The following ACAD10 variants were observed in gnomAD, a reference collection of about 807,000 sequenced individuals.
The protein encoded by ACAD10 is acyl-CoA dehydrogenase family member 10.
Under a neutral mutation model 116.8 loss-of-function variants are expected in ACAD10, and 112 were observed. The ratio of observed to expected loss-of-function variants is 0.96; its 90% CI spans 0.82 to 1.12. The LOEUF is 1.12. ACAD10 is among the 50% of genes most tolerant of loss of function. ACAD10 has a pLI of 0.00. For synonymous variants in ACAD10, 486 were observed against 510.6 expected (o/e 0.95, Z 0.65); for missense variants, 1,259 against 1,350.2 (o/e 0.93, Z 1.06).
At chr12:111,702,053 C>G (rs965387634) in intron 2 of ACAD10, 109 bp from the exon 3 acceptor site, 1 of 1,205,830 alleles carries the variant, frequency 8.3e-7, no homozygotes, top group African/African-American at 1.5e-5. Flanking sequence ...ACAGCATCCA[C>G]CCTGGCAGTA....
chr12:111,718,237 T>C (rs1888907819), intron 7 of ACAD10, among the ~76,000 whole-genome samples: 2 of 151,940 alleles, frequency 1.3e-5, no homozygotes, highest in African/African-American at 2.4e-5. Flanking sequence ...TTAGTAGAGA[T>C]GGGGTTTCCC....
rs753942324 is a variant in ACAD10, at chr12:111,705,914, C to T, written c.513C>T (p.Asp171=). ...ACCAGAAAAGCTTTTTGCCCCTGGA[C>T]CGGAAACAGTTTGATGTGGTAAGCT... ...LPNQKSFLPL[D]RKQFDVIVES... Residue 171 remains aspartate (D), a synonymous_variant, in exon 4 of 21, where the codon GAC becomes GAT. Coordinates refer to ENST00000313698, the MANE Select transcript of ACAD10 (RefSeq NM_025247.6). 1.2e-6 allele frequency: 2 copies of T among 1,614,058 alleles called. No homozygotes were observed. The highest frequency in any genetic ancestry group is 3.3e-5 in the Admixed American group (2 of 59,984).
In ACAD10 at chr12:111,729,838, G is replaced by A. The variant is rs775499829; in HGVS notation, c.1276G>A (p.Val426Ile). The stretch of plus-strand genomic sequence containing the variant: ...TATTCCACGCCAGGTACGAACCTGG[G>A]TTAAGCAGTATCGAGCTTCCGAAAC... ...DYIPRQVRTW[V>I]KQYRASETST... Residue 426 changes from valine (V) to isoleucine (I), a missense_variant, in exon 10 of 21, where the codon GTT becomes ATT. By Grantham distance (29) the Val-to-Ile change is conservative. Coordinates refer to ENST00000313698, the MANE Select transcript of ACAD10 (RefSeq NM_025247.6). 4 of 1,614,042 alleles carry A rather than the reference G, an allele frequency of 2.5e-6. No homozygotes were observed. In the African/African-American group the frequency reaches 5.3e-5, roughly 22 times the overall value.
At chr12:111,709,311 GGTTTCTC>G (rs1888600310) in intron 4 of ACAD10, among the ~76,000 whole-genome samples, 1 of 152,116 alleles carries the variant, frequency 6.6e-6, no homozygotes, top group African/African-American at 2.4e-5. Flanking sequence ...CAGACACTTT[GGTTTCTC>G]GAGTTTGCCC....
intron 8 of ACAD10, among the ~76,000 whole-genome samples, chr12:111,725,842 T>C (rs847898): frequency 0.28 from 41,863 of 151,942 alleles, 7,631 homozygotes; most frequent in East Asian, 0.9. Context: ...CCGACATTGT[T>C]TTTCATAACC....
Position 111,752,238 on chromosome 12 carries a change from C to A in ACAD10, c.2818-1534C>A, listed in dbSNP as rs557720802. Among the ~76,000 whole-genome samples the A allele has an allele frequency of 4.7e-4, 71 of 150,798 alleles. No homozygotes were observed. The South Asian group carries it at 7.0e-3, about 15-fold the overall frequency. Reference sequence around the variant, plus strand: ...ACACCCTGTCTGGGAAAAAAAAAAACAAACAAAAACAGGCTGTTAGCTTTG... The same window carrying A: ...ACACCCTGTCTGGGAAAAAAAAAAAAAAACAAAAACAGGCTGTTAGCTTTG... On this transcript the variant is annotated intron_variant, in intron 18 of 20. Transcript: ENST00000313698.
intron 8 of ACAD10, among the ~76,000 whole-genome samples, chr12:111,727,381 G>A (rs1344735471): frequency 5.3e-5 from 8 of 151,128 alleles, no homozygotes; most frequent in Admixed American, 2.6e-4. Flanking sequence ...AAAATTAGCC[G>A]GGCGTGGTGG....
At chr12:111,721,396 C>G (rs1271501178) in intron 7 of ACAD10, among the ~76,000 whole-genome samples, 1 of 152,066 alleles carries the variant, frequency 6.6e-6, no homozygotes, top group Non-Finnish European at 1.5e-5. Flanking sequence ...GGTGAAACCG[C>G]GTCTCTACTA....
chr12:111,723,952 C>T (rs1323851537), intron 8 of ACAD10, among the ~76,000 whole-genome samples: 2 of 146,632 alleles, frequency 1.4e-5, no homozygotes, highest in African/African-American at 2.5e-5. Flanking sequence ...CCAGACGGGG[C>T]GGCGGGGCAG....
At chr12:111,725,020 A>G (rs566563573) in intron 8 of ACAD10, among the ~76,000 whole-genome samples, 1 of 152,344 alleles carries the variant, frequency 6.6e-6, no homozygotes, top group East Asian at 1.9e-4. Flanking sequence ...AGAAAAGGTG[A>G]AAGAAGAAAA....
At chr12:111,696,900 T>C (rs925257355) in intron 2 of ACAD10, among the ~76,000 whole-genome samples, 3 of 151,964 alleles carry the variant, frequency 2.0e-5, no homozygotes, top group Non-Finnish European at 4.4e-5. Flanking sequence ...GCTAACGTGG[T>C]GAAACCCCGT....
intron 2 of ACAD10, among the ~76,000 whole-genome samples, chr12:111,697,080 CA>C (rs5800932): frequency 1.4e-3 from 176 of 123,806 alleles, no homozygotes; most frequent in Admixed American, 1.2e-3. Context: ...GACTCCGTCT[CA>C]AAAAAAAAAA....
chr12:111,746,444 G>A (rs1889902091), intron 14 of ACAD10, among the ~76,000 whole-genome samples, 160 bp downstream of exon 14: 1 of 151,508 alleles, frequency 6.6e-6, no homozygotes, highest in African/African-American at 2.4e-5. Context: ...CTGGAGTGTA[G>A]TGGCGAAATC....
Position 111,747,345 on chromosome 12 carries a change from C to T in ACAD10, c.2445C>T (p.Asp815=), listed in dbSNP as rs1490284894. 2 of 1,614,184 alleles carry T rather than the reference C, an allele frequency of 1.2e-6. No individual in the cohort carries two copies. The highest frequency in any genetic ancestry group is 3.3e-5 in the Admixed American group (2 of 60,012). Reference sequence around the variant, plus strand: ...TTGAGGCTTCCATCAGAGAGGAGGACAGCTTCTATGTCATAAACGGTCACA... The same window carrying T: ...TTGAGGCTTCCATCAGAGAGGAGGATAGCTTCTATGTCATAAACGGTCACA... ...TNIEASIREE[D]SFYVINGHKW... is the part of the protein sequence containing the mutation. Residue 815 remains aspartate, a synonymous_variant, in exon 16 of 21, where the codon GAC becomes GAT. Coordinates refer to ENST00000313698, the MANE Select transcript of ACAD10 (RefSeq NM_025247.6).
rs1289068762 is a variant in ACAD10 at position 111,725,174 on chromosome 12, A to G, written c.1062-2788A>G. Among the ~76,000 whole-genome samples the G allele has an allele frequency of 3.3e-5, 5 of 152,032 alleles. No homozygotes were observed. The South Asian group carries it at 1.0e-3, about 32-fold the overall frequency. ...GTAGATAATGATTTTTTTTGGCTGA[A>G]CCTTTTGAAATAAGTTTCAGACAGC... On this transcript the variant is annotated intron_variant, in intron 8 of 20. Coordinates refer to ENST00000313698, the MANE Select transcript of ACAD10 (RefSeq NM_025247.6).
At chr12:111,688,040 A>G (rs74948360) in intron 1 of ACAD10, 2 of 149,956 alleles carry the variant, frequency 1.3e-5, no homozygotes, top group Admixed American at 6.7e-5. Context: ...TGATTTTTGT[A>G]TTTTTTTTTA....
At chr12:111,690,780 C>CAAAAAAAAAAAAA (rs540935938) in intron 1 of ACAD10, among the ~76,000 whole-genome samples, 19 of 63,530 alleles carry the variant, frequency 3.0e-4, no homozygotes, top group African/African-American at 9.9e-4. Flanking sequence ...GTGAGACTCT[C>CAAAAAAAAAAAAA]AAAAAAAAAA....
intron 16 of ACAD10, among the ~76,000 whole-genome samples, 173 bp from the exon 17 acceptor site, chr12:111,748,144 C>T (rs1365719411): frequency 1.3e-5 from 2 of 152,164 alleles, no homozygotes; most frequent in African/African-American, 4.8e-5. Context: ...GGACAAAACC[C>T]AATTTGCTCT....
chr12:111,744,646 A>G lies in ACAD10; in HGVS notation c.1718A>G (p.Gln573Arg), dbSNP rs780656301. Residue 573 changes from glutamine to arginine, a missense_variant, in exon 13 of 21, where the codon CAA (glutamine) becomes CGA (arginine). Transcript: ENST00000313698. ...GTTTTTCTTTGATTCTGCTTAGGGC[A>G]AGCAAGCTCCACATATGCGGAACAA... ...QGVYKRSLTG[Q>R]ASSTYAEQTG... The G allele has an allele frequency of 1.2e-6, 2 of 1,612,112 alleles. No individual in the cohort carries two copies. The highest frequency in any genetic ancestry group is 4.5e-5 in the East Asian group (2 of 44,860).
Sources: gnomAD v4.1 joint callset for allele counts (sites outside exome capture counted in the v4.1 genomes callset) on GRCh38, gnomAD v4.1.1 for gene constraint, MANE v1.5 for transcripts, NCBI Gene and HGNC (gene_info 2026-07-23, HGNC 2026-07-21) for gene names.